Variants in SAR1A observed in about 807,000 individuals in gnomAD.
The protein encoded by SAR1A is small COPII coat GTPase SAR1A.
In SAR1A, 6 loss-of-function variants were observed where a neutral mutation model predicts 22.6. The ratio of observed to expected loss-of-function variants is 0.27; its 90% CI spans 0.15 to 0.52. The LOEUF (loss-of-function observed/expected upper bound fraction) is 0.52, where lower values mean the gene tolerates loss of function less well. Among genes scored for constraint, SAR1A ranks in the 20% least tolerant of loss-of-function variants. The pLI is 0.96. For synonymous variants in SAR1A, 70 were observed against 82.2 expected, an observed-to-expected ratio of 0.85 and a Z score of 0.80; for missense variants, 145 against 245.1, an observed-to-expected ratio of 0.59 and a Z score of 2.73.
At chr10:70,169,972 C>G (rs1448764806) in intron 1 of SAR1A, among the ~76,000 whole-genome samples, 1 of 152,152 alleles carries the variant, frequency 6.6e-6, no homozygotes, top group Non-Finnish European at 1.5e-5. Context: ...GCCTGTAGAC[C>G]AGGTTCGAGC....
Position 70,152,065 on chromosome 10 carries a change from C to A in SAR1A, c.*411G>T. ...TTTAAAAAAAAAAAAGAATAGAAAA[C>A]TCTGGACCAAGTAAATTGTGAACTC... On this transcript the variant is annotated 3_prime_UTR_variant, in exon 7 of 7. Transcript: ENST00000373241. The A allele has an allele frequency of 1.8e-5, 4 of 220,688 alleles. No individual in the cohort carries two copies. The highest frequency in any genetic ancestry group is 2.8e-5 in the Non-Finnish European group (3 of 106,946). The allele number at this position is 220,688 out of a possible 1,614,324, so 13.7% of individuals were successfully genotyped here.
At chr10:70,157,361 G>A (rs893092103) in intron 5 of SAR1A, among the ~76,000 whole-genome samples, 12 of 144,936 alleles carry the variant, frequency 8.3e-5, no homozygotes, top group Non-Finnish European at 1.2e-4. Context: ...CCAAGATTGC[G>A]CCACTGCACT....
At position 70,161,014 on chromosome 10, in the gene SAR1A, C is replaced by A. The variant is rs752360619; in HGVS notation, c.234G>T (p.Gly78=). ...GMTFTTFDLG[G]HEQARRVWKN... is the part of the protein sequence containing the mutation. The stretch of plus-strand genomic sequence containing the variant: ...TGAGTCATCACTTACCTTGCTCGTG[C>A]CCACCAAGATCAAAAGTTGTAAAGG... The change falls in exon 4 of 7, where the codon GGG becomes GGT. Residue 78 remains glycine (G), a synonymous_variant. Transcript: ENST00000373241. 1.2e-6 allele frequency: 2 copies of A among 1,611,524 alleles called. No homozygotes were observed. Among genetic ancestry groups the A allele is most frequent in the Admixed American group, 3.3e-5 (2 of 59,844 alleles).
rs55801259 is a variant in SAR1A, at chr10:70,157,401, C to CA, written c.348+362dup. The stretch of plus-strand genomic sequence containing the variant: ...CCTGGGCAACAGAGCAAGACTCCGT[C>CA]AAAAAAAAAAAAAAAAAAAAAAAAA... On this transcript the variant is annotated intron_variant, in intron 5 of 6. Coordinates refer to ENST00000373241, the MANE Select transcript of SAR1A (RefSeq NM_020150.5). Among the ~76,000 whole-genome samples the CA allele has an allele frequency of 1.5e-3, 199 of 131,200 alleles. 2 individuals are homozygous for CA. The highest frequency in any genetic ancestry group is 3.8e-3 in the African/African-American group (127 of 33,460). The allele number at this position is 131,200 out of a possible 152,430, so 86.1% of individuals were successfully genotyped here.
chr10:70,154,632 AT>A (rs574653330), intron 5 of SAR1A, among the ~76,000 whole-genome samples: 64 of 151,060 alleles, frequency 4.2e-4, no homozygotes, highest in Middle Eastern at 3.4e-3. Context: ...TAATTTTTGT[AT>A]TTTTTTAGTA....
intron 4 of SAR1A, 85 bp from the exon 5 acceptor site, chr10:70,157,952 C>A: frequency 1.1e-6 from 1 of 925,026 alleles, no homozygotes. Flanking sequence ...ATGGACAAAT[C>A]TTGGTCGGGT....
chr10:70,151,269 A>AAAAAAAAAAAAAAAAAAAAAAAAAAAAAC lies in SAR1A; in HGVS notation c.*1206_*1207insGTTTTTTTTTTTTTTTTTTTTTTTTTTTT, dbSNP rs1376106972. On this transcript the variant is annotated 3_prime_UTR_variant, in exon 7 of 7. Transcript: ENST00000373241. ...AAGACAATTTCATACCAAAAAAAAA[A>AAAAAAAAAAAAAAAAAAAAAAAAAAAAAC]AAAAAAAAAAAAAAACCTGGAAAAG... The AAAAAAAAAAAAAAAAAAAAAAAAAAAAAC allele has an allele frequency of 6.7e-6, 1 of 148,154 alleles. No individual in the cohort carries two copies. Among genetic ancestry groups the AAAAAAAAAAAAAAAAAAAAAAAAAAAAAC allele is most frequent in the Non-Finnish European group, 1.5e-5 (1 of 66,998 alleles). 9.2% of individuals were successfully genotyped at this position (148,154 alleles called of 1,614,324 possible).
chr10:70,150,636 T>C lies in SAR1A; in HGVS notation c.*1840A>G, dbSNP rs1839314734. On this transcript the variant is annotated 3_prime_UTR_variant, in exon 7 of 7. Transcript: ENST00000373241. Reference sequence around the variant, plus strand: ...CCGAACAGAGAAGTATGGGGGACCTTTAACCAAAGGAAATTAAAAATATGC... The same window carrying C: ...CCGAACAGAGAAGTATGGGGGACCTCTAACCAAAGGAAATTAAAAATATGC... The C allele has an allele frequency of 6.6e-6, 1 of 152,240 alleles. No homozygotes were observed. The allele number at this position is 152,240 out of a possible 1,614,324, so 9.4% of individuals were successfully genotyped here.
intron 1 of SAR1A, among the ~76,000 whole-genome samples, chr10:70,169,345 T>C (rs2136726163): frequency 6.6e-6 from 1 of 152,264 alleles, no homozygotes; most frequent in Non-Finnish European, 1.5e-5. Flanking sequence ...TCCTTACAAC[T>C]CATCACATCT....
chr10:70,155,863 A>T (rs1306159250), intron 5 of SAR1A, among the ~76,000 whole-genome samples: 2 of 152,248 alleles, frequency 1.3e-5, no homozygotes, highest in Non-Finnish European at 2.9e-5. Flanking sequence ...CAGTAAAAAG[A>T]AACAGAGGGA....
At position 70,153,987 on chromosome 10, in the gene SAR1A, A is replaced by C. The variant is rs1444016955; in HGVS notation, c.349-18T>G. 1 of 1,532,742 alleles carries C rather than the reference A, an allele frequency of 6.5e-7. No individual in the cohort carries two copies. The highest frequency in any genetic ancestry group is 8.7e-7 in the Non-Finnish European group (1 of 1,144,008). 94.9% of individuals were successfully genotyped at this position (1,532,742 alleles called of 1,614,324 possible). A position where few individuals can be genotyped will look rare whatever the true frequency, so the allele number is the denominator to read the frequency against. ...ATTAAAGCCTAAAGATTGAAAAAAA[A>C]GAAAAAAAGAAAAAAAAGAATTAAG... On this transcript the variant is annotated intron_variant, in intron 5 of 6. Transcript: ENST00000373241.
intron 5 of SAR1A, chr10:70,155,071 G>A (rs1277060301): frequency 1.9e-6 from 1 of 523,864 alleles, no homozygotes; most frequent in Admixed American, 2.0e-5. Context: ...GTAAATGGAT[G>A]AGAAGAGATG....
chr10:70,166,505 C>A (rs1839552835), intron 1 of SAR1A, among the ~76,000 whole-genome samples: 1 of 152,150 alleles, frequency 6.6e-6, no homozygotes, highest in Non-Finnish European at 1.5e-5. Context: ...CTGGCCAGCA[C>A]CACTTGCCCT....
chr10:70,165,264 CAAAAAAAAAAA>C (rs34191043), intron 1 of SAR1A, among the ~76,000 whole-genome samples: 1 of 92,918 alleles, frequency 1.1e-5, no homozygotes, highest in Non-Finnish European at 2.1e-5. Context: ...GACTCCGTCT[CAAAAAAAAAAA>C]AAAAAAAAAA....
intron 6 of SAR1A, among the ~76,000 whole-genome samples, chr10:70,152,946 A>G (rs970044749): frequency 1.1e-4 from 16 of 152,224 alleles, no homozygotes; most frequent in African/African-American, 3.9e-4. Flanking sequence ...AAAAATAAGG[A>G]CATTCTCATT....
At chr10:70,153,795 C>A in intron 6 of SAR1A, 43 bp downstream of exon 6, 1 of 1,494,250 alleles carries the variant, frequency 6.7e-7, no homozygotes. Flanking sequence ...GTTTTAAAAA[C>A]TGTTAATGTC....
intron 5 of SAR1A, among the ~76,000 whole-genome samples, chr10:70,154,918 C>T (rs559643873): frequency 1.3e-5 from 2 of 152,270 alleles, no homozygotes; most frequent in South Asian, 2.1e-4. Flanking sequence ...CTAAACAGGG[C>T]TCTAAAGGAA....
intron 1 of SAR1A, among the ~76,000 whole-genome samples, chr10:70,169,982 C>A (rs906846327): frequency 2.6e-5 from 4 of 152,122 alleles, no homozygotes; most frequent in African/African-American, 9.7e-5. Flanking sequence ...CAGGTTCGAG[C>A]GCTCACACTC....
intron 1 of SAR1A, among the ~76,000 whole-genome samples, chr10:70,169,765 C>G (rs1839601682): frequency 6.6e-6 from 1 of 152,136 alleles, no homozygotes; most frequent in African/African-American, 2.4e-5. Flanking sequence ...ATGGAATCAA[C>G]AAGACAAAGA....
Sources: gnomAD v4.1 joint callset for allele counts (sites outside exome capture counted in the v4.1 genomes callset) on GRCh38, gnomAD v4.1.1 for gene constraint, MANE v1.5 for transcripts, NCBI Gene and HGNC (gene_info 2026-07-23, HGNC 2026-07-21) for gene names.